The following MALRD1 variants were observed in gnomAD, a reference collection of about 807,000 sequenced individuals.
The protein encoded by MALRD1 is MAM and LDL receptor class A domain containing 1.
Under a neutral mutation model 242.1 loss-of-function variants are expected in MALRD1, and 247 were observed. The observed-to-expected ratio is 1.02, with a 90% confidence interval of 0.92 to 1.13. The LOEUF (loss-of-function observed/expected upper bound fraction) is 1.13. MALRD1 is among the 50% of genes most tolerant of loss of function. The pLI, the probability that MALRD1 is intolerant of heterozygous loss-of-function variation, is 0.00. For synonymous variants in MALRD1, 995 were observed against 866.6 expected, an observed-to-expected ratio of 1.15 and a Z score of -2.60; for missense variants, 2,989 against 2,533.1, an observed-to-expected ratio of 1.18 and a Z score of -3.86.
intron 32 of MALRD1, among the ~76,000 whole-genome samples, chr10:19,551,621 C>A (rs1015431039): frequency 6.6e-6 from 1 of 152,104 alleles, no homozygotes; most frequent in Non-Finnish European, 1.5e-5. Flanking sequence ...ATTGCCCTGG[C>A]CTGGACTTTG....
chr10:19,250,700 A>G, intron 18 of MALRD1, among the ~76,000 whole-genome samples: 1 of 151,896 alleles, frequency 6.6e-6, no homozygotes, highest in East Asian at 1.9e-4. Context: ...TAAAAACCGC[A>G]AAAAGCAAGT....
chr10:19,602,966 A>G (rs1003560867), intron 34 of MALRD1, among the ~76,000 whole-genome samples: 2 of 151,964 alleles, frequency 1.3e-5, no homozygotes, highest in African/African-American at 4.8e-5. Flanking sequence ...GCATTTTTTC[A>G]TGTGTCTGTT....
intron 32 of MALRD1, among the ~76,000 whole-genome samples, chr10:19,555,749 A>G (rs112124113): frequency 1.3e-5 from 2 of 152,280 alleles, no homozygotes; most frequent in Admixed American, 6.5e-5. Flanking sequence ...TGATAGATTA[A>G]TGTACCTGGT....
At position 19,088,173 on chromosome 10, in the gene MALRD1, A is replaced by T; in HGVS notation, c.585A>T (p.Ser195=). The T allele has an allele frequency of 8.1e-7, 1 of 1,233,354 alleles. No homozygotes were observed. The highest frequency in any genetic ancestry group is 3.2e-5 in the East Asian group (1 of 31,688). 76.4% of individuals were successfully genotyped at this position (1,233,354 alleles called of 1,614,324 possible). A position where few individuals can be genotyped will look rare whatever the true frequency, so the allele number is the denominator to read the frequency against. The change falls in exon 4 of 40, where the codon TCA becomes TCT. Residue 195 remains serine, a synonymous_variant. Coordinates refer to ENST00000454679, the MANE Select transcript of MALRD1 (RefSeq NM_001142308.3). ...WERNVIKIQS[S]QRFQVVFEGQ... ...GAAATGTCATCAAAATCCAGAGTTC[A>T]CAGAGATTTCAGGTATGTGTGTTCT...
chr10:19,290,070 G>A (rs1228404502), intron 21 of MALRD1, among the ~76,000 whole-genome samples: 2 of 152,122 alleles, frequency 1.3e-5, no homozygotes, highest in Non-Finnish European at 2.9e-5. Context: ...GGAATATGTA[G>A]GGAAATTTTC....
chr10:19,251,503 G>A (rs1839290741), intron 18 of MALRD1, among the ~76,000 whole-genome samples: 1 of 151,818 alleles, frequency 6.6e-6, no homozygotes, highest in African/African-American at 2.4e-5. Flanking sequence ...ATTGCCCTGT[G>A]GAAATGGAAG....
chr10:19,426,873 T>C (rs1289621928), intron 28 of MALRD1, among the ~76,000 whole-genome samples: 1 of 152,132 alleles, frequency 6.6e-6, no homozygotes, highest in African/African-American at 2.4e-5. Context: ...ATTTTATATA[T>C]ATTTTTTTCC....
chr10:19,369,504 G>A (rs995913412), intron 26 of MALRD1, among the ~76,000 whole-genome samples: 2 of 147,516 alleles, frequency 1.4e-5, no homozygotes, highest in East Asian at 2.0e-4. Flanking sequence ...CATTGTGTGC[G>A]TTTATATATA....
intron 38 of MALRD1, among the ~76,000 whole-genome samples, chr10:19,693,460 G>A (rs1833206124): frequency 6.6e-6 from 1 of 152,090 alleles, no homozygotes; most frequent in Non-Finnish European, 1.5e-5. Context: ...AATCATGAGT[G>A]AACTCCCATT....
Position 19,088,138 on chromosome 10 carries a change from C to T in MALRD1, c.550C>T (p.Gln184Ter), listed in dbSNP as rs1241134658. 1 of 1,233,368 alleles carries T rather than the reference C, an allele frequency of 8.1e-7. No homozygotes were observed. The highest frequency in any genetic ancestry group is 1.6e-5 in the African/African-American group (1 of 64,448). 76.4% of individuals were successfully genotyped at this position (1,233,368 alleles called of 1,614,324 possible). Residue 184 changes from glutamine to a stop codon, truncating the protein, a stop_gained, in exon 4 of 40, where the codon CAG (glutamine) becomes TAG (stop). Transcript: ENST00000454679. LOFTEE classifies it high-confidence loss of function. ...GCAAAACACAGCTGCACTCCCAAAT[C>T]AGTGGGAGAGAAATGTCATCAAAAT... ...LWQNTAALPN[Q>*]WERNVIKIQS... is the part of the protein sequence containing the mutation.
At position 19,648,570 on chromosome 10, in the gene MALRD1, A is replaced by G. The variant is rs141842828; in HGVS notation, c.6137+32647A>G. Among the ~76,000 whole-genome samples, 319 of 152,308 alleles carry G rather than the reference A, an allele frequency of 2.1e-3. 3 individuals carry two copies. Among genetic ancestry groups the G allele is most frequent in the African/African-American group, 7.2e-3 (298 of 41,578 alleles). On this transcript the variant is annotated intron_variant, in intron 36 of 39. Transcript: ENST00000454679. ...CTAGAGAAAAACATCAACACTTTTC[A>G]GAGGAAGATGACCAAAGTATCTCCA...
At chr10:19,243,710 T>C (rs889680026) in intron 18 of MALRD1, among the ~76,000 whole-genome samples, 6 of 152,162 alleles carry the variant, frequency 3.9e-5, no homozygotes, top group Non-Finnish European at 8.8e-5. Context: ...TACACCTGAT[T>C]ATTAACTTAA....
At chr10:19,180,784 C>G (rs1835469762) in intron 14 of MALRD1, among the ~76,000 whole-genome samples, 1 of 152,082 alleles carries the variant, frequency 6.6e-6, no homozygotes. Flanking sequence ...AAATAGCAAC[C>G]TGCATATCGG....
rs574076239 is a variant in MALRD1 at position 19,450,457 on chromosome 10, A to G, written c.4996A>G (p.Ile1666Val). ...AAGGGACCTGGGAGGAGGAGCTGCAATTGATGATATTGAATTTAAAAACTG... is the reference window on the plus strand; with the variant it reads ...AAGGGACCTGGGAGGAGGAGCTGCAGTTGATGATATTGAATTTAAAAACTG... ...RTRDLGGGAA[I>V]DDIEFKNCTT... Residue 1666 changes from isoleucine to valine, a missense_variant, in exon 29 of 40, where the codon ATT (isoleucine) becomes GTT (valine). Physicochemically the swap from Ile to Val is conservative, Grantham distance 29 (BLOSUM62 3). Coordinates refer to ENST00000454679, the MANE Select transcript of MALRD1 (RefSeq NM_001142308.3). The G allele has an allele frequency of 2.7e-4, 426 of 1,549,696 alleles. 2 individuals are homozygous for G. In the African/African-American group the frequency reaches 4.6e-3, roughly 17 times the overall value.
At chr10:19,251,556 G>A (rs897378124) in intron 18 of MALRD1, among the ~76,000 whole-genome samples, 16 of 151,942 alleles carry the variant, frequency 1.1e-4, no homozygotes, top group African/African-American at 3.9e-4. Context: ...TCTGTATCAG[G>A]GATCTAGTGT....
chr10:19,286,758 C>T (rs2496066), intron 21 of MALRD1, among the ~76,000 whole-genome samples: 46,431 of 150,106 alleles, frequency 0.31, 7,200 homozygotes, highest in South Asian at 0.4. Flanking sequence ...GGAACTGGTA[C>T]CATTCCTTCT....
At chr10:19,701,130 C>G (rs1038493823) in intron 38 of MALRD1, among the ~76,000 whole-genome samples, 7 of 152,018 alleles carry the variant, frequency 4.6e-5, no homozygotes, top group Non-Finnish European at 1.0e-4. Context: ...GCCTGGGTGA[C>G]AAAGCAAGAC....
intron 35 of MALRD1, among the ~76,000 whole-genome samples, chr10:19,613,819 A>G (rs1839010388): frequency 6.6e-6 from 1 of 152,030 alleles, no homozygotes; most frequent in Non-Finnish European, 1.5e-5. Context: ...CAGTTCCTCA[A>G]ACATGCAACA....
intron 19 of MALRD1, among the ~76,000 whole-genome samples, chr10:19,279,032 G>C (rs1015709100): frequency 2.0e-5 from 3 of 152,152 alleles, no homozygotes; most frequent in Non-Finnish European, 2.9e-5. Context: ...CCAGACAATG[G>C]AGGATTCACC....
Sources: gnomAD v4.1 joint callset for allele counts (sites outside exome capture counted in the v4.1 genomes callset) on GRCh38, gnomAD v4.1.1 for gene constraint, MANE v1.5 for transcripts, NCBI Gene and HGNC (gene_info 2026-07-23, HGNC 2026-07-21) for gene names.